The following DNAH2 variants were observed in gnomAD, a reference collection of about 807,000 sequenced individuals.
The protein encoded by DNAH2 is dynein axonemal heavy chain 2.
In DNAH2, 323 loss-of-function variants were observed where a neutral mutation model predicts 523.5. That is an observed-to-expected ratio of 0.62 (90% confidence interval 0.56 to 0.68). The LOEUF is 0.68. DNAH2 is among the 30% of genes least tolerant of loss of function. DNAH2 has a pLI of 0.00. For missense variants in DNAH2, 4,907 were observed against 5,701.5 expected (o/e 0.86, Z 4.49); for synonymous variants, 2,093 against 2,177.4 (o/e 0.96, Z 1.08).
chr17:7,831,812 G>A lies in DNAH2; in HGVS notation c.12726+37G>A. On this transcript the variant is annotated intron_variant, in intron 82 of 85. Coordinates refer to ENST00000572933, the MANE Select transcript of DNAH2 (RefSeq NM_020877.5). The surrounding 1 kb of genome is among the most constrained non-coding windows in gnomAD (Gnocchi z 4.2). Reference sequence around the variant, plus strand: ...CCATTGTTGATCCTTCTCCAACAATGAGCTCCCCTCTCAATCCTGGGCCCC... The same window carrying A: ...CCATTGTTGATCCTTCTCCAACAATAAGCTCCCCTCTCAATCCTGGGCCCC... 1 of 1,577,054 alleles carries A rather than the reference G, an allele frequency of 6.3e-7. No individual in the cohort carries two copies. The highest frequency in any genetic ancestry group is 1.1e-5 in the South Asian group (1 of 88,844).
At chr17:7,814,616 G>A (rs781469292) in intron 63 of DNAH2, among the ~76,000 whole-genome samples, 3 of 152,256 alleles carry the variant, frequency 2.0e-5, no homozygotes, top group African/African-American at 4.8e-5. Context: ...GCTCACGCCT[G>A]TAATCCCAGC....
chr17:7,824,479 C>A, intron 76 of DNAH2, 58 bp from the exon 77 acceptor site: 1 of 1,452,342 alleles, frequency 6.9e-7, no homozygotes, highest in Non-Finnish European at 9.1e-7. Flanking sequence ...AGGTGGAAAG[C>A]ATGAGGACAG....
Position 7,754,676 on chromosome 17 carries a change from C to G in DNAH2, c.1905-2415C>G. On this transcript the variant is annotated intron_variant, in intron 12 of 85. Transcript: ENST00000572933. This position sits in a 1 kb window ranked among gnomAD's most constrained non-coding sequence, Gnocchi z 4.6. ...TCAGCCATAAACTTGATCGACTTGCCTACATTGCCCACCCCAACCTTGGGA... is the reference window on the plus strand; with the variant it reads ...TCAGCCATAAACTTGATCGACTTGCGTACATTGCCCACCCCAACCTTGGGA... 3 of 1,278,520 alleles carry G rather than the reference C, an allele frequency of 2.3e-6. 1 individual carries two copies. Among genetic ancestry groups the G allele is most frequent in the South Asian group, 1.2e-5 (1 of 83,230 alleles). 79.2% of individuals were successfully genotyped at this position (1,278,520 alleles called of 1,614,324 possible). A position where few individuals can be genotyped will look rare whatever the true frequency, so the allele number is the denominator to read the frequency against.
At chr17:7,726,991 C>A in intron 3 of DNAH2, 131 bp from the exon 4 acceptor site, 1 of 939,848 alleles carries the variant, frequency 1.1e-6, no homozygotes, top group Non-Finnish European at 1.5e-6. Context: ...AGCTATCTTT[C>A]AGTTTCTCCT....
intron 58 of DNAH2, 53 bp from the exon 59 acceptor site, chr17:7,804,203 C>T (rs1427477075): frequency 9.4e-6 from 15 of 1,587,794 alleles, no homozygotes; most frequent in Admixed American, 8.8e-5. Context: ...TACAGGACAC[C>T]GCGCTTTCCG....
intron 42 of DNAH2, 27 bp downstream of exon 42, chr17:7,787,060 G>T (rs1391521653): frequency 1.9e-6 from 3 of 1,612,076 alleles, no homozygotes; most frequent in Non-Finnish European, 2.5e-6. Flanking sequence ...ACTCCTGGAG[G>T]CCTGCAGAGG....
chr17:7,779,109 G>C (rs1332759608), intron 35 of DNAH2, 134 bp from the exon 36 acceptor site: 1 of 954,072 alleles, frequency 1.0e-6, no homozygotes, highest in East Asian at 2.6e-5. Context: ...GTGTACTCTG[G>C]TGCCCTCCTC....
At position 7,774,832 on chromosome 17, in the gene DNAH2, G is replaced by C; in HGVS notation, c.4575G>C (p.Glu1525Asp). Reference sequence around the variant, plus strand: ...AGAAATCTCTGGATATGTATTTAGAGACCAAGCGACATATTTTCCCCCGCT... The same window carrying C: ...AGAAATCTCTGGATATGTATTTAGACACCAAGCGACATATTTTCCCCCGCT... Reference protein sequence around the residue: ...DIQKSLDMYLETKRHIFPRFY... With the variant: ...DIQKSLDMYLDTKRHIFPRFY... Residue 1525 changes from glutamate (E) to aspartate (D), a missense_variant, in exon 29 of 86, where the codon GAG (glutamate) becomes GAC (aspartate). Transcript: ENST00000572933. The C allele has an allele frequency of 6.2e-7, 1 of 1,614,218 alleles. No homozygotes were observed. Among genetic ancestry groups the C allele is most frequent in the Non-Finnish European group, 8.5e-7 (1 of 1,180,038 alleles).
intron 18 of DNAH2, among the ~76,000 whole-genome samples, chr17:7,762,280 C>T (rs1009393940): frequency 1.3e-5 from 2 of 150,970 alleles, no homozygotes; most frequent in Admixed American, 6.6e-5. Flanking sequence ...GGATTTCCAG[C>T]TGGGGATTTT....
At chr17:7,741,236 C>CTCTCTTTCTTTCTTTCTTTCTT (rs1555540638) in intron 11 of DNAH2, among the ~76,000 whole-genome samples, 13 of 85,672 alleles carry the variant, frequency 1.5e-4, no homozygotes, top group African/African-American at 5.4e-4. Flanking sequence ...TTTTCTCTCT[C>CTCTCTTTCTTTCTTTCTTTCTT]TCTTTCTTTC....
chr17:7,722,153 C>A (rs1363378846), intron 2 of DNAH2, among the ~76,000 whole-genome samples: 2 of 147,576 alleles, frequency 1.4e-5, no homozygotes, highest in East Asian at 4.0e-4. Context: ...CACCCGCCAC[C>A]ATGCCTGGCT....
Position 7,817,947 on chromosome 17 carries a change from GC to G in DNAH2, c.10240del (p.Leu3414Ter). The G allele has an allele frequency of 6.2e-7, 1 of 1,614,022 alleles. No individual in the cohort carries two copies. Among genetic ancestry groups the G allele is most frequent in the African/African-American group, 1.3e-5 (1 of 74,972 alleles). Reference sequence around the variant, plus strand: ...TTCACCTTCCCCCTTGCTCTCTAGGGCCTGAAGATCATCGACCTGCAGATGA... The same window carrying G: ...TTCACCTTCCCCCTTGCTCTCTAGGGCTGAAGATCATCGACCTGCAGATGA... ...KWIKNMEGGQ[G>X]LKIIDLQMSD... On this transcript the variant is annotated frameshift_variant and splice_region_variant, in exon 68 of 86. Transcript: ENST00000572933. LOFTEE classifies it high-confidence loss of function.
At chr17:7,817,148 T>G (rs1004185759) in intron 64 of DNAH2, 142 bp from the exon 65 acceptor site, 2 of 1,153,844 alleles carry the variant, frequency 1.7e-6, no homozygotes, top group East Asian at 2.6e-5. Context: ...CAGGCTAGAG[T>G]TGTCAGGACA....
chr17:7,731,942 T>C (rs2075000117), intron 4 of DNAH2, among the ~76,000 whole-genome samples: 1 of 149,952 alleles, frequency 6.7e-6, no homozygotes, highest in Non-Finnish European at 1.5e-5. Flanking sequence ...GGCAGGAGAA[T>C]CGCTTGAACC....
intron 4 of DNAH2, among the ~76,000 whole-genome samples, chr17:7,731,993 C>T (rs944508655): frequency 4.1e-5 from 6 of 146,856 alleles, no homozygotes; most frequent in African/African-American, 7.6e-5. Context: ...CATGCCATCG[C>T]GTTCCAGCCT....
In DNAH2 at chr17:7,734,660, C is replaced by T; in HGVS notation, c.930C>T (p.Ala310=). ...ACGTTGAATCCATCCTGCACCTTGC[C>T]AAGTCGTCCTACTTGGCGCCCTTTA... The part of the protein sequence containing the change: ...VKHVESILHL[A]KSSYLAPFMK... The change falls in exon 7 of 86, where the codon GCC becomes GCT. Residue 310 remains alanine (A), a synonymous_variant. Coordinates refer to ENST00000572933, the MANE Select transcript of DNAH2 (RefSeq NM_020877.5). The T allele has an allele frequency of 6.2e-7, 1 of 1,612,776 alleles. No individual in the cohort carries two copies. Among genetic ancestry groups the T allele is most frequent in the Non-Finnish European group, 8.5e-7 (1 of 1,179,856 alleles).
In DNAH2 at chr17:7,805,092, A is replaced by G. The variant is rs1443433606; in HGVS notation, c.9300+18A>G. The stretch of plus-strand genomic sequence containing the variant: ...CCATGCGGGTACCAGGGGCGGGTGC[A>G]AGGATGGGAGCCAGGAACGCGAGGC... On this transcript the variant is annotated intron_variant, in intron 60 of 85. Coordinates refer to ENST00000572933, the MANE Select transcript of DNAH2 (RefSeq NM_020877.5). 1.2e-6 allele frequency: 2 copies of G among 1,610,520 alleles called. No individual in the cohort carries two copies. The highest frequency in any genetic ancestry group is 2.2e-5 in the South Asian group (2 of 90,954).
chr17:7,774,717 A>G, intron 28 of DNAH2, 42 bp from the exon 29 acceptor site: 1 of 1,572,926 alleles, frequency 6.4e-7, no homozygotes, highest in Non-Finnish European at 8.7e-7. Flanking sequence ...CGCCCAGGGC[A>G]GTGGAAATGA....
intron 63 of DNAH2, among the ~76,000 whole-genome samples, chr17:7,808,178 C>T (rs777137418): frequency 2.0e-5 from 3 of 152,092 alleles, no homozygotes; most frequent in Non-Finnish European, 4.4e-5. Flanking sequence ...CAAGACTAGC[C>T]TGGCCAACAT....
Sources: gnomAD v4.1 joint callset for allele counts (sites outside exome capture counted in the v4.1 genomes callset) on GRCh38, gnomAD v4.1.1 for gene constraint, Gnocchi (gnomAD v3.1) non-coding constraint, MANE v1.5 for transcripts, NCBI Gene and HGNC (gene_info 2026-07-23, HGNC 2026-07-21) for gene names.